The following LRRC7 variants were observed in gnomAD, a reference collection of about 807,000 sequenced individuals.
The protein encoded by LRRC7 is leucine-rich repeat-containing protein 7.
LRRC7 carries 23 observed loss-of-function variants against 175.7 expected under a neutral mutation model. The observed-to-expected ratio is 0.13, with a 90% CI of 0.09 to 0.19. LRRC7 has a LOEUF of 0.19. Among genes scored for constraint, LRRC7 ranks in the 10% least tolerant of loss-of-function variants. The pLI is 1.00. For missense variants in LRRC7, 1,354 were observed against 1,904.7 expected (o/e 0.71, Z 5.38); for synonymous variants, 685 against 680.9 (o/e 1.01, Z -0.09).
chr1:69,600,013 C>T (rs10889839), intron 1 of LRRC7, among the ~76,000 whole-genome samples: 34,152 of 152,056 alleles, frequency 0.22, 5,578 homozygotes, highest in African/African-American at 0.46. Flanking sequence ...ACAGATTAGA[C>T]TAAGTCTAGA....
chr1:69,975,300 C>T (rs997584687), intron 8 of LRRC7, among the ~76,000 whole-genome samples: 11 of 152,170 alleles, frequency 7.2e-5, no homozygotes, highest in African/African-American at 2.4e-4. Context: ...CACCCACCTA[C>T]ACACCAAGAT....
intron 22 of LRRC7, among the ~76,000 whole-genome samples, chr1:70,046,900 A>C (rs1231920994): frequency 1.3e-5 from 2 of 152,138 alleles, no homozygotes; most frequent in Non-Finnish European, 2.9e-5. Flanking sequence ...CCTGGGCGCC[A>C]CTGACCATTG....
At chr1:69,896,665 T>G (rs1645988556) in intron 7 of LRRC7, among the ~76,000 whole-genome samples, 1 of 152,202 alleles carries the variant, frequency 6.6e-6, no homozygotes, top group Non-Finnish European at 1.5e-5. Flanking sequence ...CAGTATCCTC[T>G]CTGTCCTTCC....
intron 22 of LRRC7, among the ~76,000 whole-genome samples, chr1:70,049,386 C>G (rs1039636511): frequency 3.3e-5 from 5 of 152,058 alleles, no homozygotes; most frequent in Non-Finnish European, 5.9e-5. Flanking sequence ...TTTATTCACC[C>G]TAGTGCCAAG....
intron 2 of LRRC7, among the ~76,000 whole-genome samples, chr1:69,699,778 G>A (rs964538086): frequency 1.2e-4 from 19 of 152,260 alleles, no homozygotes; most frequent in Non-Finnish European, 2.2e-4. Context: ...AGGAAAACTC[G>A]CACATTTTTT....
chr1:69,881,960 T>A (rs1570476633), intron 7 of LRRC7, among the ~76,000 whole-genome samples: 2 of 127,410 alleles, frequency 1.6e-5, no homozygotes, highest in South Asian at 2.3e-4. Context: ...ATATATCTAA[T>A]AAGAAGTTAA....
intron 4 of LRRC7, among the ~76,000 whole-genome samples, chr1:69,809,199 A>G (rs949527444): frequency 3.9e-5 from 6 of 152,174 alleles, no homozygotes; most frequent in African/African-American, 1.4e-4. Flanking sequence ...TCCTGAACAC[A>G]TACACCCTCC....
intron 23 of LRRC7, among the ~76,000 whole-genome samples, chr1:70,071,454 T>C (rs1042631193): frequency 6.6e-6 from 1 of 152,116 alleles, no homozygotes; most frequent in Admixed American, 6.5e-5. Flanking sequence ...GGTGTCCCAC[T>C]GGCCTAATTT....
At chr1:69,735,417 A>AT (rs1256337099) in intron 2 of LRRC7, among the ~76,000 whole-genome samples, 1 of 151,992 alleles carries the variant, frequency 6.6e-6, no homozygotes, top group Non-Finnish European at 1.5e-5. Flanking sequence ...TTTCTTCATT[A>AT]TTGTATTTAG....
chr1:70,142,884 A>AGAT lies in LRRC7; in HGVS notation c.*20998_*21000dup, dbSNP rs1467486990. The AGAT allele has an allele frequency of 1.3e-5, 2 of 152,062 alleles. No homozygotes were observed. Among genetic ancestry groups the AGAT allele is most frequent in the Non-Finnish European group, 2.9e-5 (2 of 67,986 alleles). The allele number at this position is 152,062 out of a possible 1,614,324, so 9.4% of individuals were successfully genotyped here. ...TAAGAATTATATGTAAAAGGATACT[A>AGAT]GATATTATGTTTTGGATGTTTTCTA... On this transcript the variant is annotated 3_prime_UTR_variant, in exon 27 of 27. Transcript: ENST00000651989.
intron 8 of LRRC7, among the ~76,000 whole-genome samples, chr1:69,954,694 A>G (rs753337972): frequency 3.9e-5 from 6 of 152,218 alleles, no homozygotes; most frequent in Non-Finnish European, 7.4e-5. Context: ...CAATAATTAT[A>G]AAGAAAAACT....
rs190774119 is a variant in LRRC7, at chr1:69,910,924, G to A, written c.648-20583G>A. Among the ~76,000 whole-genome samples, 1,207 of 152,296 alleles carry A rather than the reference G, an allele frequency of 7.9e-3. 12 individuals carry two copies. Among genetic ancestry groups the A allele is most frequent in the Middle Eastern group, 0.027 (8 of 294 alleles). On this transcript the variant is annotated intron_variant, in intron 7 of 26. Transcript: ENST00000651989. ...TGGCAGGTGCCCCTTCCCCAGCCTC[G>A]CTGCCGCCTTGCAGTTTGATCTCAG...
Position 70,028,326 on chromosome 1 carries a change from A to C in LRRC7, c.1950A>C (p.Lys650Asn). The C allele has an allele frequency of 6.2e-7, 1 of 1,613,698 alleles. No individual in the cohort carries two copies. The highest frequency in any genetic ancestry group is 1.1e-5 in the South Asian group (1 of 91,074). ...ACACGGAGCAAACTGTGAAAGAAAA[A>C]TATGAACACAAGTGGCCGGTAGCCC... ...TANTEQTVKE[K>N]YEHKWPVAPK... Residue 650 changes from lysine (K) to asparagine (N), a missense_variant, in exon 18 of 27, where the codon AAA (lysine) becomes AAC (asparagine). Physicochemically the swap from Lys to Asn is moderately conservative, Grantham distance 94. Around this residue, in one of 4 missense-constraint regions of LRRC7, gnomAD observed 1,032 missense variants for 1,227.2 expected, o/e 0.84. Coordinates refer to ENST00000651989, the MANE Select transcript of LRRC7 (RefSeq NM_001370785.2).
chr1:69,986,517 G>A (rs1653948656), intron 10 of LRRC7, 131 bp downstream of exon 10: 1 of 658,400 alleles, frequency 1.5e-6, no homozygotes, highest in Non-Finnish European at 2.3e-6. Context: ...AATGTGCTAT[G>A]GAAATCATAA....
intron 1 of LRRC7, among the ~76,000 whole-genome samples, chr1:69,609,254 TA>T (rs1212543512): frequency 6.6e-6 from 1 of 152,032 alleles, no homozygotes; most frequent in Non-Finnish European, 1.5e-5. Flanking sequence ...TCCAGTTATT[TA>T]AATCTGACTC....
chr1:69,920,150 GC>G, intron 7 of LRRC7: 1 of 190,380 alleles, frequency 5.3e-6, no homozygotes, highest in East Asian at 1.5e-4. Context: ...CAGCAGAGCC[GC>G]CCCATGTCCC....
chr1:69,602,873 CA>C (rs1405722974), intron 1 of LRRC7, among the ~76,000 whole-genome samples: 1 of 152,192 alleles, frequency 6.6e-6, no homozygotes, highest in Non-Finnish European at 1.5e-5. Context: ...TTTTGATACA[CA>C]AATACCATTA....
chr1:69,726,542 G>C (rs1260916968), intron 2 of LRRC7, among the ~76,000 whole-genome samples: 1 of 152,146 alleles, frequency 6.6e-6, no homozygotes, highest in African/African-American at 2.4e-5. Context: ...GGATATCCAG[G>C]TAGCAATACT....
chr1:69,947,295 GT>G (rs1557919678), intron 8 of LRRC7, among the ~76,000 whole-genome samples: 1 of 151,676 alleles, frequency 6.6e-6, no homozygotes. Context: ...TTGCCATTTT[GT>G]TAAGTATTTT....
Sources: gnomAD v4.1 joint callset for allele counts (sites outside exome capture counted in the v4.1 genomes callset) on GRCh38, gnomAD v4.1.1 for gene constraint, gnomAD v4.1.1 regional missense constraint, MANE v1.5 for transcripts, NCBI Gene and HGNC (gene_info 2026-07-23, HGNC 2026-07-21) for gene names.